The following PTPRN2 variants were observed in gnomAD, a reference collection of about 807,000 sequenced individuals.
The protein encoded by PTPRN2 is protein tyrosine phosphatase receptor type N2.
A neutral mutation model predicts 118.8 loss-of-function variants in PTPRN2; 74 were observed. The observed-to-expected ratio is 0.62, with a 90% CI of 0.52 to 0.76. The LOEUF is 0.76. Among genes scored for constraint, PTPRN2 ranks in the 30% least tolerant of loss-of-function variants. PTPRN2 has a pLI of 0.00. For missense variants in PTPRN2, 1,481 were observed against 1,394.4 expected (o/e 1.06, Z -0.99); for synonymous variants, 641 against 608.0 (o/e 1.05, Z -0.80).
chr7:157,713,551 A>G (rs1485220406), intron 12 of PTPRN2, among the ~76,000 whole-genome samples: 3 of 152,182 alleles, frequency 2.0e-5, no homozygotes, highest in African/African-American at 7.2e-5. Flanking sequence ...CTCAGCAAGA[A>G]ATGCCATCAG....
In PTPRN2 at chr7:157,801,123, TA is replaced by T. The variant is rs923472615; in HGVS notation, c.1788+97549del. 4.6e-5 allele frequency among the ~76,000 whole-genome samples: 7 copies of T among 151,684 alleles called. No individual in the cohort carries two copies. Among genetic ancestry groups the T allele is most frequent in the Non-Finnish European group, 1.0e-4 (7 of 67,964 alleles). ...TATGCACATATATATGAATACCCAA[TA>T]CCCAATCCACAGCTTTCTCTTTGTG... On this transcript the variant is annotated intron_variant, in intron 12 of 22. Coordinates refer to ENST00000389418, the MANE Select transcript of PTPRN2 (RefSeq NM_002847.5). The surrounding 1 kb of genome is among the most constrained non-coding windows in gnomAD (Gnocchi z 4.2).
In PTPRN2 at chr7:158,070,425, TGCTCGTGGTGGTGGA is replaced by T. The variant is rs1233739527; in HGVS notation, c.1723+10858_1723+10872del. Among the ~76,000 whole-genome samples, 782 of 102,508 alleles carry T rather than the reference TGCTCGTGGTGGTGGA, an allele frequency of 7.6e-3. 18 individuals carry two copies. Among genetic ancestry groups the T allele is most frequent in the African/African-American group, 0.028 (689 of 25,028 alleles). 67.2% of individuals were successfully genotyped at this position (102,508 alleles called of 152,430 possible). The stretch of plus-strand genomic sequence containing the variant: ...GTGGTGGACGTGCTCGTGGTGGTGG[TGCTCGTGGTGGTGGA>T]GGTGCCCGTGGTGGTGGAGGTGCCC... On this transcript the variant is annotated intron_variant, in intron 11 of 22. Coordinates refer to ENST00000389418, the MANE Select transcript of PTPRN2 (RefSeq NM_002847.5).
intron 2 of PTPRN2, among the ~76,000 whole-genome samples, chr7:158,471,714 A>G (rs979553552): frequency 1.2e-4 from 18 of 149,224 alleles, no homozygotes; most frequent in Admixed American, 2.0e-4. Context: ...ACAAACAAAA[A>G]AAAAACCTTA....
At chr7:158,478,168 G>A (rs555358342) in intron 2 of PTPRN2, among the ~76,000 whole-genome samples, 14 of 152,332 alleles carry the variant, frequency 9.2e-5, no homozygotes, top group African/African-American at 2.4e-4. Context: ...CGGGAGCCGC[G>A]GCCCCAGGTG....
At chr7:157,565,778 T>C (rs1318462524) in intron 21 of PTPRN2, among the ~76,000 whole-genome samples, 1 of 151,844 alleles carries the variant, frequency 6.6e-6, no homozygotes, top group African/African-American at 2.4e-5. Context: ...AAAAAACATG[T>C]TTTGCTACAT....
At position 158,529,207 on chromosome 7, in the gene PTPRN2, G is replaced by C. The variant is rs767302256; in HGVS notation, c.113-39422C>G. On this transcript the variant is annotated intron_variant, in intron 1 of 22. Coordinates refer to ENST00000389418, the MANE Select transcript of PTPRN2 (RefSeq NM_002847.5). This position sits in a 1 kb window ranked among gnomAD's most constrained non-coding sequence, Gnocchi z 4.7. ...AGCACCTGGTGGGCACTAAGCACCC[G>C]TCGCTGTTGGTCCTGGGGCTAACGC... Among the ~76,000 whole-genome samples the C allele has an allele frequency of 2.0e-5, 3 of 152,246 alleles. No homozygotes were observed. Among genetic ancestry groups the C allele is most frequent in the Admixed American group, 2.0e-4 (3 of 15,290 alleles).
intron 12 of PTPRN2, among the ~76,000 whole-genome samples, chr7:157,788,560 C>T (rs1279574179): frequency 1.3e-5 from 2 of 152,130 alleles, no homozygotes; most frequent in African/African-American, 2.4e-5. Flanking sequence ...GAGTCCCCCA[C>T]GACCTCTTAG....
At chr7:157,892,483 T>C (rs1001249588) in intron 12 of PTPRN2, among the ~76,000 whole-genome samples, 1 of 152,216 alleles carries the variant, frequency 6.6e-6, no homozygotes, top group African/African-American at 2.4e-5. Context: ...CCTTTAAATT[T>C]TGTTTTGAGA....
chr7:158,269,269 A>G (rs984496653), intron 3 of PTPRN2, among the ~76,000 whole-genome samples: 1 of 152,152 alleles, frequency 6.6e-6, no homozygotes, highest in African/African-American at 2.4e-5. Flanking sequence ...GAGAACAAGG[A>G]GACGGCCCTC....
At chr7:158,312,577 A>G (rs1432818528) in intron 3 of PTPRN2, among the ~76,000 whole-genome samples, 1 of 150,214 alleles carries the variant, frequency 6.7e-6, no homozygotes, top group Non-Finnish European at 1.5e-5. Flanking sequence ...AAACCTCCCT[A>G]CTCAAACACT....
At chr7:157,567,592 T>G (rs1209375592) in intron 21 of PTPRN2, among the ~76,000 whole-genome samples, 1 of 152,200 alleles carries the variant, frequency 6.6e-6, no homozygotes, top group East Asian at 1.9e-4. Context: ...TTAAAATTGC[T>G]GGCATTCGTG....
At chr7:158,553,620 C>A (rs910931021) in intron 1 of PTPRN2, among the ~76,000 whole-genome samples, 4 of 152,062 alleles carry the variant, frequency 2.6e-5, no homozygotes, top group African/African-American at 9.7e-5. Flanking sequence ...GTCTACACCA[C>A]CTTCCCTGTC....
chr7:157,938,899 C>T (rs762761576), intron 11 of PTPRN2, among the ~76,000 whole-genome samples: 14 of 152,218 alleles, frequency 9.2e-5, no homozygotes, highest in Non-Finnish European at 2.1e-4. Context: ...ATGCTCATAT[C>T]AGTGCTGAAG....
chr7:158,319,452 G>GCAGCCTCCCTCA (rs1563131277), intron 2 of PTPRN2, among the ~76,000 whole-genome samples: 4 of 39,152 alleles, frequency 1.0e-4, no homozygotes, highest in African/African-American at 4.0e-4. Context: ...CCTCACACAC[G>GCAGCCTCCCTCA]CACACAGCCT....
intron 21 of PTPRN2, among the ~76,000 whole-genome samples, chr7:157,566,725 A>G (rs1799503502): frequency 6.6e-6 from 1 of 152,262 alleles, no homozygotes; most frequent in Non-Finnish European, 1.5e-5. Flanking sequence ...ACAGCAGCTC[A>G]GGTGCCTGGA....
At chr7:157,963,802 A>G (rs1442498559) in intron 11 of PTPRN2, among the ~76,000 whole-genome samples, 1 of 152,268 alleles carries the variant, frequency 6.6e-6, no homozygotes, top group East Asian at 1.9e-4. Flanking sequence ...TAACTCGTTC[A>G]TCTTTCCAGT....
chr7:158,347,214 A>G (rs938631007), intron 2 of PTPRN2, among the ~76,000 whole-genome samples: 2 of 152,192 alleles, frequency 1.3e-5, no homozygotes, highest in African/African-American at 2.4e-5. Flanking sequence ...GATTTCTTCT[A>G]GTAGTTTTAC....
At chr7:158,302,059 G>C (rs970870026) in intron 3 of PTPRN2, among the ~76,000 whole-genome samples, 2 of 152,184 alleles carry the variant, frequency 1.3e-5, no homozygotes, top group Non-Finnish European at 2.9e-5. Flanking sequence ...AAACAAACCC[G>C]CTGGCAGTTA....
chr7:158,339,226 C>G (rs1806223404), intron 2 of PTPRN2, among the ~76,000 whole-genome samples: 1 of 9,030 alleles, frequency 1.1e-4, no homozygotes, highest in Non-Finnish European at 2.2e-4. Context: ...CACTCACACC[C>G]ACACTCGCAC....
Sources: gnomAD v4.1 joint callset for allele counts (sites outside exome capture counted in the v4.1 genomes callset) on GRCh38, gnomAD v4.1.1 for gene constraint, Gnocchi (gnomAD v3.1) non-coding constraint, MANE v1.5 for transcripts, NCBI Gene and HGNC (gene_info 2026-07-23, HGNC 2026-07-21) for gene names.